The following LRRC37A2 variants were observed in gnomAD, a reference collection of about 807,000 sequenced individuals.
LRRC37A2 encodes the protein leucine rich repeat containing 37 member A2, also known as leucine-rich repeat-containing protein 37A2.
In LRRC37A2, 9 loss-of-function variants were observed where a neutral mutation model predicts 68.8. The ratio of observed to expected loss-of-function variants is 0.13; its 90% CI spans 0.08 to 0.23. The LOEUF is 0.23. Ranked by LOEUF, LRRC37A2 falls within the 10% of genes least tolerant of loss-of-function variation. The pLI, the probability that LRRC37A2 is intolerant of heterozygous loss-of-function variation, is 1.00. For missense variants in LRRC37A2, 168 were observed against 950.4 expected (o/e 0.18, Z 10.82); for synonymous variants, 63 against 367.6 (o/e 0.17, Z 9.48).
chr17:46,895,951 G>C, the LRRC37A2 span, among the ~76,000 whole-genome samples: 2 of 152,110 alleles, frequency 1.3e-5, no homozygotes, highest in Non-Finnish European at 2.9e-5. Context: ...GGAAGCTGGT[G>C]GGGGCAGAGG....
the LRRC37A2 span, chr17:46,941,996 A>C: frequency 1.0e-6 from 1 of 975,350 alleles, no homozygotes; most frequent in Admixed American, 6.1e-5. Flanking sequence ...TAAGTCCAAA[A>C]TAAATTCTTA....
the LRRC37A2 span, among the ~76,000 whole-genome samples, chr17:46,898,799 C>T: frequency 1.3e-5 from 2 of 152,284 alleles, no homozygotes; most frequent in East Asian, 1.9e-4. Flanking sequence ...TTGAAACATT[C>T]GTCCATTGCT....
At chr17:46,898,805 T>C in the LRRC37A2 span, among the ~76,000 whole-genome samples, 1 of 152,194 alleles carries the variant, frequency 6.6e-6, no homozygotes, top group African/African-American at 2.4e-5. Context: ...CATTCGTCCA[T>C]TGCTGGTAGG....
At chr17:46,805,301 A>G in the LRRC37A2 span, among the ~76,000 whole-genome samples, 43 of 152,070 alleles carry the variant, frequency 2.8e-4, no homozygotes, top group Admixed American at 1.3e-4. Context: ...GGCTGGGCAC[A>G]GTGGCTCACG....
the LRRC37A2 span, chr17:46,922,683 G>A: frequency 6.3e-6 from 1 of 159,074 alleles, no homozygotes; most frequent in African/African-American, 2.4e-5. Flanking sequence ...AAATAGGAAT[G>A]GGGGGTAGAT....
the LRRC37A2 span, among the ~76,000 whole-genome samples, chr17:46,905,801 T>C: frequency 1.9e-5 from 2 of 104,510 alleles, no homozygotes; most frequent in Admixed American, 1.9e-4. Context: ...TGTGTGTGTG[T>C]GTGTGTGTGT....
the LRRC37A2 span, among the ~76,000 whole-genome samples, chr17:47,000,897 G>C: frequency 6.6e-6 from 1 of 152,140 alleles, no homozygotes; most frequent in East Asian, 1.9e-4. Flanking sequence ...GAGCACTTTA[G>C]GAGGTTGAGG....
the LRRC37A2 span, among the ~76,000 whole-genome samples, chr17:46,389,277 A>G: frequency 6.8e-6 from 1 of 147,258 alleles, no homozygotes; most frequent in African/African-American, 2.5e-5. Flanking sequence ...TTCAAGAGAG[A>G]TAGCTAATAC....
At chr17:46,911,212 A>T in the LRRC37A2 span, among the ~76,000 whole-genome samples, 1 of 152,238 alleles carries the variant, frequency 6.6e-6, no homozygotes, top group Non-Finnish European at 1.5e-5. Flanking sequence ...TTTCAGAGGA[A>T]TTAATTGATG....
chr17:46,874,597 A>C, the LRRC37A2 span, among the ~76,000 whole-genome samples: 3 of 152,114 alleles, frequency 2.0e-5, no homozygotes, highest in Non-Finnish European at 4.4e-5. Flanking sequence ...AATTTTTTTG[A>C]GACAAGGTCT....
At chr17:46,882,135 G>A in the LRRC37A2 span, among the ~76,000 whole-genome samples, 8 of 152,224 alleles carry the variant, frequency 5.3e-5, no homozygotes, top group South Asian at 2.1e-4. Flanking sequence ...CAGCCTGAGC[G>A]ACAGAGTGAG....
the LRRC37A2 span, among the ~76,000 whole-genome samples, chr17:46,995,927 C>T: frequency 1.3e-5 from 2 of 152,188 alleles, no homozygotes; most frequent in Non-Finnish European, 2.9e-5. Context: ...GTTCTGTCCT[C>T]GGCCCACCTC....
chr17:46,841,601 G>C, the LRRC37A2 span, among the ~76,000 whole-genome samples: 1 of 152,250 alleles, frequency 6.6e-6, no homozygotes, highest in Non-Finnish European at 1.5e-5. Context: ...TCGGAGAAGG[G>C]AGCGCTGGGG....
At chr17:46,796,548 A>C in the LRRC37A2 span, among the ~76,000 whole-genome samples, 1 of 152,186 alleles carries the variant, frequency 6.6e-6, no homozygotes, top group African/African-American at 2.4e-5. Context: ...TGGATGAGAG[A>C]TCCCATCTGT....
chr17:46,818,378 AG>A, the LRRC37A2 span: 1 of 637,672 alleles, frequency 1.6e-6, no homozygotes, highest in Admixed American at 3.6e-5. Flanking sequence ...AAAATCCAGG[AG>A]GGGTGGGCGG....
chr17:46,985,443 C>A, the LRRC37A2 span, among the ~76,000 whole-genome samples: 1 of 151,036 alleles, frequency 6.6e-6, no homozygotes, highest in African/African-American at 2.4e-5. Flanking sequence ...TTGCTTGAAC[C>A]TGGGAGGCGG....
At chr17:46,780,612 TA>T in the LRRC37A2 span, among the ~76,000 whole-genome samples, 1 of 151,886 alleles carries the variant, frequency 6.6e-6, no homozygotes, top group Non-Finnish European at 1.5e-5. Flanking sequence ...CCGTCTCTAC[TA>T]AAAATACAAA....
the LRRC37A2 span, among the ~76,000 whole-genome samples, chr17:46,985,625 G>A: frequency 6.6e-6 from 1 of 152,018 alleles, no homozygotes; most frequent in South Asian, 2.1e-4. Flanking sequence ...AGTGGAGAAT[G>A]AGACAGGCAT....
At chr17:46,849,923 C>T in the LRRC37A2 span, among the ~76,000 whole-genome samples, 5 of 151,316 alleles carry the variant, frequency 3.3e-5, no homozygotes, top group Middle Eastern at 3.4e-3. Flanking sequence ...TTTCGGCTCA[C>T]TGCAACCTCC....
Sources: gnomAD v4.1 joint callset for allele counts (sites outside exome capture counted in the v4.1 genomes callset) on GRCh38, gnomAD v4.1.1 for gene constraint, MANE v1.5 for transcripts, NCBI Gene and HGNC (gene_info 2026-07-23, HGNC 2026-07-21) for gene names.